GALR2: variants seen among roughly 807,000 people sequenced by gnomAD.
GALR2 encodes the protein galanin receptor 2.
Under a neutral mutation model 7.2 loss-of-function variants are expected in GALR2, and 5 were observed. The observed-to-expected ratio is 0.69, with a 90% CI of 0.36 to 1.45. The LOEUF is 1.45. GALR2 is among the 40% of genes most tolerant of loss of function. The pLI is 0.03. For missense variants in GALR2, 561 were observed against 555.7 expected (o/e 1.01, Z -0.10); for synonymous variants, 300 against 263.9 (o/e 1.14, Z -1.32).
upstream of GALR2, chr17:76,072,484 G>A (rs1387746109): frequency 1.3e-6 from 2 of 1,583,244 alleles, no homozygotes; most frequent in Non-Finnish European, 1.7e-6. This position sits in a 1 kb window ranked among gnomAD's most constrained non-coding sequence, Gnocchi z 4.5. Context: ...CTGCTTCTCA[G>A]CAGCCATCTT....
At position 76,074,826 on chromosome 17, in the gene GALR2, C is replaced by G. The variant is rs1361608986; in HGVS notation, c.-58C>G. 2.1e-6 allele frequency: 3 copies of G among 1,436,924 alleles called. No individual in the cohort carries two copies. The highest frequency in any genetic ancestry group is 2.7e-6 in the Non-Finnish European group (3 of 1,101,148). 89.0% of individuals were successfully genotyped at this position (1,436,924 alleles called of 1,614,324 possible). On this transcript the variant is annotated 5_prime_UTR_variant, in exon 1 of 2. Coordinates refer to ENST00000329003, the MANE Select transcript of GALR2 (RefSeq NM_003857.4). The surrounding 1 kb of genome is among the most constrained non-coding windows in gnomAD (Gnocchi z 6.7). Reference sequence around the variant, plus strand: ...AGCGGCCGCAGCCCCGGGAGCTTCCCGCTCGCGGAGACCCAGACGGCTGCA... The same window carrying G: ...AGCGGCCGCAGCCCCGGGAGCTTCCGGCTCGCGGAGACCCAGACGGCTGCA...
upstream of GALR2, chr17:76,072,590 G>T (rs1598274012): frequency 6.1e-6 from 9 of 1,481,328 alleles, no homozygotes; most frequent in Admixed American, 1.7e-4. The surrounding 1 kb of genome is among the most constrained non-coding windows in gnomAD (Gnocchi z 4.5). Context: ...GGATAGCGGC[G>T]GACTCCGCCG....
At position 76,077,215 on chromosome 17, in the gene GALR2, C is replaced by A; in HGVS notation, c.948C>A (p.Gly316=). 1.2e-6 allele frequency: 2 copies of A among 1,607,790 alleles called. No individual in the cohort carries two copies. The highest frequency in any genetic ancestry group is 2.7e-5 in the African/African-American group (2 of 74,950). ...CGGGCCTGCTGGGCCGTGCCCCAGGCCGAGCCTCGGGCCGTGTGTGCGCTG... is the reference window on the plus strand; with the variant it reads ...CGGGCCTGCTGGGCCGTGCCCCAGGACGAGCCTCGGGCCGTGTGTGCGCTG... ...ICAGLLGRAP[G]RASGRVCAAA... Residue 316 remains glycine (G), a synonymous_variant, in exon 2 of 2, where the codon GGC becomes GGA. Coordinates refer to ENST00000329003, the MANE Select transcript of GALR2 (RefSeq NM_003857.4).
chr17:76,077,475 T>C lies in GALR2; in HGVS notation c.*44T>C, dbSNP rs1193828266. On this transcript the variant is annotated 3_prime_UTR_variant, in exon 2 of 2. Transcript: ENST00000329003. The stretch of plus-strand genomic sequence containing the variant: ...CTGGGATGTCACAGAGTTGGAGTCA[T>C]TGTTGGGGGACCGTGGGGAGAGCTT... 3.0e-5 allele frequency: 43 copies of C among 1,410,830 alleles called. No homozygotes were observed. The highest frequency in any genetic ancestry group is 3.8e-5 in the Non-Finnish European group (41 of 1,076,120). 87.4% of individuals were successfully genotyped at this position (1,410,830 alleles called of 1,614,324 possible). A position where few individuals can be genotyped will look rare whatever the true frequency, so the allele number is the denominator to read the frequency against.
Position 76,076,284 on chromosome 17 carries a change from C to G in GALR2, c.369-352C>G, listed in dbSNP as rs1248824259. Among the ~76,000 whole-genome samples, 1 of 152,230 alleles carries G rather than the reference C, an allele frequency of 6.6e-6. No individual in the cohort carries two copies. The highest frequency in any genetic ancestry group is 1.5e-5 in the Non-Finnish European group (1 of 68,042). On this transcript the variant is annotated intron_variant, in intron 1 of 1. Coordinates refer to ENST00000329003, the MANE Select transcript of GALR2 (RefSeq NM_003857.4). The surrounding 1 kb of genome is among the most constrained non-coding windows in gnomAD (Gnocchi z 6.5). ...GTCACCAGTGGGTAGTCACAGCCTC[C>G]CGGAGCCCATAGCCGGTTCTCCAAC...
rs976383085 is a variant in GALR2, at chr17:76,076,690, C to A, written c.423C>A (p.Asn141Lys). 6.2e-7 allele frequency: 1 copy of A among 1,601,254 alleles called. No individual in the cohort carries two copies. Among genetic ancestry groups the A allele is most frequent in the African/African-American group, 1.3e-5 (1 of 75,022 alleles). ...CCCGCGAGCTGCGCACGCCTCGAAACGCGCTGGCAGCCATCGGGCTCATCT... is the reference window on the plus strand; with the variant it reads ...CCCGCGAGCTGCGCACGCCTCGAAAAGCGCTGGCAGCCATCGGGCTCATCT... The part of the protein sequence containing the change: ...LHSRELRTPR[N>K]ALAAIGLIWG... The change falls in exon 2 of 2, where the codon AAC (asparagine) becomes AAA (lysine). Residue 141 changes from asparagine (N) to lysine (K), a missense_variant. Coordinates refer to ENST00000329003, the MANE Select transcript of GALR2 (RefSeq NM_003857.4). The surrounding 1 kb of genome is among the most constrained non-coding windows in gnomAD (Gnocchi z 6.5).
At position 76,077,043 on chromosome 17, in the gene GALR2, T is replaced by C. The variant is rs755734479; in HGVS notation, c.776T>C (p.Val259Ala). 3 of 1,612,928 alleles carry C rather than the reference T, an allele frequency of 1.9e-6. No individual in the cohort carries two copies. In the East Asian group the frequency reaches 6.7e-5, roughly 36 times the overall value. Residue 259 changes from valine (V) to alanine (A), a missense_variant, in exon 2 of 2, where the codon GTG becomes GCG. Coordinates refer to ENST00000329003, the MANE Select transcript of GALR2 (RefSeq NM_003857.4). ...WMPHHALILC[V>A]WFGQFPLTRA... Reference sequence around the variant, plus strand: ...CCCCACCACGCGCTCATCCTCTGCGTGTGGTTCGGCCAGTTCCCGCTCACG... The same window carrying C: ...CCCCACCACGCGCTCATCCTCTGCGCGTGGTTCGGCCAGTTCCCGCTCACG...
Position 76,076,609 on chromosome 17 carries a change from A to G in GALR2, c.369-27A>G. ...CAGCATGAATGTGCCCGCTCAGCCG[A>G]CGTCTCCCTTCCCGGTCTGACCGCA... On this transcript the variant is annotated intron_variant, in intron 1 of 1. Transcript: ENST00000329003. The surrounding 1 kb of genome is among the most constrained non-coding windows in gnomAD (Gnocchi z 6.5). The G allele has an allele frequency of 6.6e-7, 1 of 1,507,664 alleles. No individual in the cohort carries two copies. Among genetic ancestry groups the G allele is most frequent in the Non-Finnish European group, 9.0e-7 (1 of 1,116,232 alleles). The allele number at this position is 1,507,664 out of a possible 1,614,324, so 93.4% of individuals were successfully genotyped here. A position where few individuals can be genotyped will look rare whatever the true frequency, so the allele number is the denominator to read the frequency against.
rs1347094563 is a variant in GALR2, at chr17:76,077,046, G to A, written c.779G>A (p.Trp260Ter). The change falls in exon 2 of 2, where the codon TGG becomes TAG. Residue 260 changes from tryptophan to a stop codon, truncating the protein, a stop_gained. Transcript: ENST00000329003. LOFTEE classifies it low-confidence loss of function (END_TRUNC). ...CACCACGCGCTCATCCTCTGCGTGT[G>A]GTTCGGCCAGTTCCCGCTCACGCGC... ...MPHHALILCV[W>*]FGQFPLTRAT... The A allele has an allele frequency of 4.3e-6, 7 of 1,612,840 alleles. No homozygotes were observed. The highest frequency in any genetic ancestry group is 5.9e-6 in the Non-Finnish European group (7 of 1,179,914).
chr17:76,072,411 G>C (rs758799435), upstream of GALR2: 2 of 1,598,570 alleles, frequency 1.3e-6, no homozygotes, highest in Admixed American at 3.3e-5. This position sits in a 1 kb window ranked among gnomAD's most constrained non-coding sequence, Gnocchi z 4.5. Flanking sequence ...GTCCACCGCC[G>C]CTACCGCCGC....
chr17:76,077,189 G>T lies in GALR2; in HGVS notation c.922G>T (p.Ala308Ser), dbSNP rs749403037. Residue 308 changes from alanine (A) to serine (S), a missense_variant, in exon 2 of 2, where the codon GCG (alanine) becomes TCG (serine). Transcript: ENST00000329003. ...HFRKGFRTIC[A>S]GLLGRAPGRA... is the part of the protein sequence containing the mutation. ...CCGCAAAGGCTTCCGCACGATCTGC[G>T]CGGGCCTGCTGGGCCGTGCCCCAGG... 53 of 1,610,226 alleles carry T rather than the reference G, an allele frequency of 3.3e-5. No individual in the cohort carries two copies. The highest frequency in any genetic ancestry group is 4.2e-5 in the Non-Finnish European group (49 of 1,178,920).
rs1006895151 is a variant in GALR2, at chr17:76,076,126, C to A, written c.369-510C>A. Among the ~76,000 whole-genome samples the A allele has an allele frequency of 6.6e-6, 1 of 152,244 alleles. No homozygotes were observed. On this transcript the variant is annotated intron_variant, in intron 1 of 1. Transcript: ENST00000329003. The surrounding 1 kb of genome is among the most constrained non-coding windows in gnomAD (Gnocchi z 6.5). ...GAGCGCGAAGTGCGTTGGTTCCGAGCGCGCTGGTGGGATCCACAAAGCTCG... is the reference window on the plus strand; with the variant it reads ...GAGCGCGAAGTGCGTTGGTTCCGAGAGCGCTGGTGGGATCCACAAAGCTCG...
At position 76,074,894 on chromosome 17, in the gene GALR2, C is replaced by T. The variant is rs150585267; in HGVS notation, c.11C>T (p.Ser4Leu). MNV[S>L]GCPGAGNASQ... ...GGGGTCAGCGGCACCATGAACGTCT[C>T]GGGCTGCCCAGGGGCCGGGAACGCG... is the stretch of plus-strand genomic sequence containing the variant. Residue 4 changes from serine (S) to leucine (L), a missense_variant, in exon 1 of 2, where the codon TCG becomes TTG. Transcript: ENST00000329003. This position sits in a 1 kb window ranked among gnomAD's most constrained non-coding sequence, Gnocchi z 6.7. The T allele has an allele frequency of 3.2e-5, 49 of 1,528,066 alleles. No homozygotes were observed. The African/African-American group carries it at 5.8e-4, about 18-fold the overall frequency. The allele number at this position is 1,528,066 out of a possible 1,614,324, so 94.7% of individuals were successfully genotyped here. A position where few individuals can be genotyped will look rare whatever the true frequency, so the allele number is the denominator to read the frequency against.
chr17:76,072,156 C>A (rs1169736079), upstream of GALR2: 2 of 1,450,522 alleles, frequency 1.4e-6, no homozygotes, highest in Non-Finnish European at 1.9e-6. The surrounding 1 kb of genome is among the most constrained non-coding windows in gnomAD (Gnocchi z 4.5). Context: ...AGACCCCCCC[C>A]GGAATTCTGA....
rs1297643233 is a variant in GALR2 at position 76,075,559 on chromosome 17, C to A, written c.368+308C>A. The stretch of plus-strand genomic sequence containing the variant: ...GCGTTCATCTCGCTTGAGCTTAATG[C>A]CCTCCGTGAGGGTGGGATAGGACAA... On this transcript the variant is annotated intron_variant, in intron 1 of 1. Coordinates refer to ENST00000329003, the MANE Select transcript of GALR2 (RefSeq NM_003857.4). This position sits in a 1 kb window ranked among gnomAD's most constrained non-coding sequence, Gnocchi z 5.9. Among the ~76,000 whole-genome samples the A allele has an allele frequency of 6.6e-6, 1 of 152,208 alleles. No homozygotes were observed. Among genetic ancestry groups the A allele is most frequent in the African/African-American group, 2.4e-5 (1 of 41,466 alleles).
Position 76,075,298 on chromosome 17 carries a change from G to A in GALR2, c.368+47G>A. The A allele has an allele frequency of 6.4e-7, 1 of 1,561,396 alleles. No homozygotes were observed. Among genetic ancestry groups the A allele is most frequent in the Non-Finnish European group, 8.6e-7 (1 of 1,158,180 alleles). ...CCTGGGAGATGGGCATCCACGCGGG[G>A]GATGGAGCGGGAGGCGGGACTGGGG... On this transcript the variant is annotated intron_variant, in intron 1 of 1. Transcript: ENST00000329003. The surrounding 1 kb of genome is among the most constrained non-coding windows in gnomAD (Gnocchi z 5.9).
At chr17:76,072,413 T>TACCGCCGCCGCCACTGCC (rs755013769), upstream of GALR2, 660 of 1,595,666 alleles carry the variant, frequency 4.1e-4, 2 homozygotes, top group Middle Eastern at 1.4e-3. This position sits in a 1 kb window ranked among gnomAD's most constrained non-coding sequence, Gnocchi z 4.5. Flanking sequence ...CCACCGCCGC[T>TACCGCCGCCGCCACTGCC]ACCGCCGCCG....
upstream of GALR2, chr17:76,072,151 C>CG (rs889759848): frequency 1.4e-6 from 2 of 1,408,462 alleles, no homozygotes; most frequent in South Asian, 1.3e-5. The surrounding 1 kb of genome is among the most constrained non-coding windows in gnomAD (Gnocchi z 4.5). Flanking sequence ...GAGACAGACC[C>CG]CCCCCGGAAT....
upstream of GALR2, chr17:76,072,285 T>G (rs765205958): frequency 1.9e-6 from 3 of 1,607,906 alleles, no homozygotes; most frequent in Non-Finnish European, 2.5e-6. This position sits in a 1 kb window ranked among gnomAD's most constrained non-coding sequence, Gnocchi z 4.5. Context: ...CATTGCGAGT[T>G]AGGCCCGATT....
Sources: allele counts gnomAD v4.1 joint callset (sites outside exome capture counted in the v4.1 genomes callset), GRCh38; gene constraint gnomAD v4.1.1; non-coding constraint Gnocchi (gnomAD v3.1); transcripts MANE v1.5; gene names NCBI Gene and HGNC (gene_info 2026-07-23, HGNC 2026-07-21).